ASB9: variants seen among roughly 807,000 people sequenced by gnomAD.
ASB9 encodes ankyrin repeat and SOCS box protein 9.
A neutral mutation model predicts 16.6 loss-of-function variants in ASB9; 5 were observed. The ratio of observed to expected loss-of-function variants is 0.30; its 90% CI spans 0.16 to 0.63. The LOEUF is 0.63. ASB9 is among the 30% of genes least tolerant of loss of function. ASB9 has a pLI of 0.82. For missense variants in ASB9, 216 were observed against 229.4 expected (o/e 0.94, Z 0.38); for synonymous variants, 100 against 86.4 (o/e 1.16, Z -0.87).
intron 1 of ASB9, among the ~76,000 whole-genome samples, chrX:15,264,805 A>G (rs1391899321): frequency 8.9e-6 from 1 of 112,196 alleles, no homozygotes; most frequent in Non-Finnish European, 1.9e-5. Flanking sequence ...GATGCAAAGC[A>G]GACGGAGAAT....
intron 1 of ASB9, among the ~76,000 whole-genome samples, chrX:15,262,248 T>C (rs769424314): frequency 1.8e-5 from 2 of 111,753 alleles, no homozygotes; most frequent in African/African-American, 6.5e-5. Context: ...ATAATGCTGC[T>C]ATAAACATTC....
chrX:15,246,099 T>A (rs1924644577), intron 6 of ASB9, among the ~76,000 whole-genome samples: 1 of 111,917 alleles, frequency 8.9e-6, no homozygotes, highest in African/African-American at 3.3e-5. Context: ...ATGTGACTGA[T>A]CATCTGTGCT....
intron 4 of ASB9, among the ~76,000 whole-genome samples, chrX:15,250,807 CG>C (rs1925055750): frequency 8.9e-6 from 1 of 111,905 alleles, no homozygotes; most frequent in African/African-American, 3.3e-5. Context: ...CTGCAAGCTC[CG>C]CCTCCTGGGT....
At chrX:15,268,974 A>T (rs1286558767) in intron 1 of ASB9, among the ~76,000 whole-genome samples, 1 of 110,108 alleles carries the variant, frequency 9.1e-6, no homozygotes, top group Non-Finnish European at 1.9e-5. Flanking sequence ...TGTTGCCTTC[A>T]CCCTCACCCT....
intron 3 of ASB9, among the ~76,000 whole-genome samples, chrX:15,252,724 A>G (rs1416653772): frequency 8.9e-6 from 1 of 112,258 alleles, no homozygotes; most frequent in African/African-American, 3.2e-5. Context: ...CCCATCCCAC[A>G]CCAATTCAAT....
chrX:15,265,066 T>A (rs1926275383), intron 1 of ASB9, among the ~76,000 whole-genome samples: 1 of 112,327 alleles, frequency 8.9e-6, no homozygotes, highest in African/African-American at 3.2e-5. Flanking sequence ...TCCTACTTCA[T>A]CAACTGGAGG....
intron 3 of ASB9, 97 bp from the exon 4 acceptor site, chrX:15,252,501 G>A (rs1925205757): frequency 1.2e-6 from 1 of 840,048 alleles, no homozygotes; most frequent in Non-Finnish European, 1.6e-6. Context: ...ACATCTCTGA[G>A]CCTTAAATTC....
At chrX:15,256,822 C>T (rs1925611178) in intron 2 of ASB9, among the ~76,000 whole-genome samples, 1 of 105,627 alleles carries the variant, frequency 9.5e-6, no homozygotes, top group Non-Finnish European at 1.9e-5. Flanking sequence ...CAACTTTTGT[C>T]GTGATCAAAG....
At chrX:15,250,802 A>G (rs2147633092) in intron 4 of ASB9, among the ~76,000 whole-genome samples, 1 of 111,811 alleles carries the variant, frequency 8.9e-6, no homozygotes, top group Admixed American at 9.5e-5. Flanking sequence ...GCTTACTGCA[A>G]GCTCCGCCTC....
chrX:15,260,589 T>G (rs1427162241), intron 1 of ASB9, among the ~76,000 whole-genome samples: 1 of 111,413 alleles, frequency 9.0e-6, no homozygotes, highest in Non-Finnish European at 1.9e-5. Flanking sequence ...AGTAGAAATG[T>G]GAGGGAGGCG....
chrX:15,246,970 C>A (rs1924723128), intron 6 of ASB9, among the ~76,000 whole-genome samples: 1 of 111,538 alleles, frequency 9.0e-6, no homozygotes, highest in African/African-American at 3.3e-5. Flanking sequence ...CTTACCTTTC[C>A]TAACACCCAC....
intron 1 of ASB9, among the ~76,000 whole-genome samples, chrX:15,266,935 C>CAA (rs34454817): frequency 3.8e-5 from 3 of 78,425 alleles, no homozygotes; most frequent in African/African-American, 9.4e-5. Flanking sequence ...GACTCCATCT[C>CAA]AAAAAAAAAA....
At chrX:15,261,285 TGA>T (rs778687354) in intron 1 of ASB9, among the ~76,000 whole-genome samples, 1 of 112,026 alleles carries the variant, frequency 8.9e-6, no homozygotes, top group Non-Finnish European at 1.9e-5. Context: ...AGCCACAAAT[TGA>T]GAAAGGTTTT....
intron 1 of ASB9, among the ~76,000 whole-genome samples, chrX:15,266,964 C>A (rs1012357120): frequency 1.9e-4 from 21 of 110,531 alleles, no homozygotes; most frequent in African/African-American, 7.0e-4. Flanking sequence ...GAAAAAGAAA[C>A]CCTAACAGTG....
At chrX:15,266,246 G>A (rs777954341) in intron 1 of ASB9, among the ~76,000 whole-genome samples, 22 of 112,183 alleles carry the variant, frequency 2.0e-4, no homozygotes, top group African/African-American at 4.9e-4. Flanking sequence ...GCCAGAAGCT[G>A]CATTATCTGT....
At position 15,252,400 on chromosome X, in the gene ASB9, T is replaced by G; in HGVS notation, c.287A>C (p.Asn96Thr). 8.4e-7 allele frequency: 1 copy of G among 1,196,116 alleles called. No individual in the cohort carries two copies. The highest frequency in any genetic ancestry group is 1.1e-6 in the Non-Finnish European group (1 of 887,917). The stretch of plus-strand genomic sequence containing the variant: ...AGTGTGCCAGTCTGCTGTCACACCA[T>G]TCACCTGGTAAAAGAAGCTCCAGAA... ...KILLKHGAQV[N>T]GVTADWHTPL... The change falls in exon 4 of 7, where the codon AAT (asparagine) becomes ACT (threonine). Residue 96 changes from asparagine (N) to threonine (T), a missense_variant. By Grantham distance (65) the Asn-to-Thr change is moderately conservative. Coordinates refer to ENST00000380488, the MANE Select transcript of ASB9 (RefSeq NM_001031739.3).
chrX:15,245,300 A>G (rs1420786626), intron 6 of ASB9, among the ~76,000 whole-genome samples: 1 of 111,240 alleles, frequency 9.0e-6, no homozygotes, highest in East Asian at 2.8e-4. Context: ...GTCTGGAGAC[A>G]TTTTTGGTTG....
In ASB9 at chrX:15,267,417, A is replaced by ATATATATAT. The variant is rs1555934601; in HGVS notation, c.94+2363_94+2364insATATATATA. ...AGAGCGAGACTCCATCTAAAAAAAAAATATATATATATATATAATTATATA... is the reference window on the plus strand; with the variant it reads ...AGAGCGAGACTCCATCTAAAAAAAAATATATATATATATATATATATATATAATTATATA... On this transcript the variant is annotated intron_variant, in intron 1 of 6. Transcript: ENST00000380488. 3.5e-3 allele frequency among the ~76,000 whole-genome samples: 269 copies of ATATATATAT among 77,886 alleles called. 1 individual carries two copies. The highest frequency in any genetic ancestry group is 0.013 in the African/African-American group (257 of 19,293). The allele number at this position is 77,886 out of a possible 115,157, so 67.6% of individuals were successfully genotyped here.
At chrX:15,265,476 C>A (rs1416465046) in intron 1 of ASB9, among the ~76,000 whole-genome samples, 1 of 111,989 alleles carries the variant, frequency 8.9e-6, no homozygotes, top group Non-Finnish European at 1.9e-5. Flanking sequence ...TCTGTCATTT[C>A]CAAAGTTCGA....
Sources: allele counts gnomAD v4.1 joint callset (sites outside exome capture counted in the v4.1 genomes callset), GRCh38; gene constraint gnomAD v4.1.1; transcripts MANE v1.5; gene names NCBI Gene and HGNC (gene_info 2026-07-23, HGNC 2026-07-21).